MAPT: variants seen among roughly 807,000 people sequenced by gnomAD.
MAPT encodes the protein microtubule associated protein tau.
MAPT carries 34 observed loss-of-function variants against 67.9 expected under a neutral mutation model. The ratio of observed to expected loss-of-function variants is 0.50; its 90% CI spans 0.38 to 0.67. MAPT has a LOEUF of 0.67. Among genes scored for constraint, MAPT ranks in the 30% least tolerant of loss-of-function variants. The pLI is 0.00. For missense variants in MAPT, 881 were observed against 1,115.2 expected (o/e 0.79, Z 2.99); for synonymous variants, 456 against 464.5 (o/e 0.98, Z 0.23).
At chr17:45,948,624 C>G (rs1568218746) in intron 1 of MAPT, among the ~76,000 whole-genome samples, 1 of 152,164 alleles carries the variant, frequency 6.6e-6, no homozygotes, top group African/African-American at 2.4e-5. Flanking sequence ...GCCAGGATGT[C>G]TGGGTTTTGA....
intron 8 of MAPT, chr17:45,993,813 C>T: frequency 1.7e-6 from 2 of 1,144,028 alleles, no homozygotes; most frequent in South Asian, 2.6e-5. Flanking sequence ...GACCTTGTTT[C>T]AGAATGGGGC....
chr17:45,969,555 A>C (rs2071429027), intron 2 of MAPT, among the ~76,000 whole-genome samples: 1 of 150,734 alleles, frequency 6.6e-6, no homozygotes, highest in South Asian at 2.1e-4. Context: ...TCATCCATCC[A>C]TCCATTCATC....
intron 9 of MAPT, among the ~76,000 whole-genome samples, chr17:45,997,278 G>A (rs550785494): frequency 3.3e-5 from 5 of 152,264 alleles, no homozygotes; most frequent in South Asian, 2.1e-4. Flanking sequence ...GTCTGGGTGC[G>A]TTAGGGCTGA....
intron 1 of MAPT, among the ~76,000 whole-genome samples, chr17:45,902,691 A>G (rs1306436080): frequency 6.6e-6 from 1 of 152,240 alleles, no homozygotes; most frequent in Non-Finnish European, 1.5e-5. Context: ...TTAAGAGGGT[A>G]AAATCCTCCT....
intron 1 of MAPT, among the ~76,000 whole-genome samples, chr17:45,919,657 C>G (rs534952905): frequency 3.3e-5 from 5 of 152,354 alleles, no homozygotes; most frequent in African/African-American, 1.2e-4. Flanking sequence ...CCTGTAATCC[C>G]GGCACTTTGG....
At chr17:45,976,660 A>G (rs1229916445) in intron 3 of MAPT, 1 of 152,274 alleles carries the variant, frequency 6.6e-6, no homozygotes, top group Non-Finnish European at 1.5e-5. Flanking sequence ...TGGCTCTTGT[A>G]AAACACTCCC....
At chr17:45,899,647 C>A (rs1004859227) in intron 1 of MAPT, among the ~76,000 whole-genome samples, 27 of 152,098 alleles carry the variant, frequency 1.8e-4, no homozygotes, top group African/African-American at 6.3e-4. Flanking sequence ...TAACATTGAC[C>A]CAGTAGAATA....
intron 1 of MAPT, among the ~76,000 whole-genome samples, chr17:45,954,510 C>A (rs1251393618): frequency 1.3e-5 from 2 of 152,160 alleles, no homozygotes; most frequent in African/African-American, 2.4e-5. Flanking sequence ...GTGGTCCTAG[C>A]CACTCGGGAG....
intron 1 of MAPT, among the ~76,000 whole-genome samples, chr17:45,949,643 T>C (rs1247890438): frequency 6.6e-6 from 1 of 152,210 alleles, no homozygotes; most frequent in African/African-American, 2.4e-5. Flanking sequence ...AGATCCTCTC[T>C]GTGAAGCCCC....
rs1359343408 is a variant in MAPT, at chr17:46,025,419, T to G, written c.*1248T>G. The G allele has an allele frequency of 1.3e-5, 2 of 152,810 alleles. No individual in the cohort carries two copies. Among genetic ancestry groups the G allele is most frequent in the Non-Finnish European group, 2.9e-5 (2 of 68,242 alleles). 9.5% of individuals were successfully genotyped at this position (152,810 alleles called of 1,614,324 possible). On this transcript the variant is annotated 3_prime_UTR_variant, in exon 13 of 13. Coordinates refer to ENST00000262410, the MANE Select transcript of MAPT (RefSeq NM_001377265.1). ...GAATTCCCAGCCTCACCACCCCTTC[T>G]CAGTAATGACCCTGGTTGGTTGCAG...
intron 1 of MAPT, among the ~76,000 whole-genome samples, chr17:45,947,092 G>A (rs952566503): frequency 9.2e-5 from 14 of 152,034 alleles, no homozygotes; most frequent in Admixed American, 9.2e-4. Flanking sequence ...TTCATTAGTA[G>A]TAGTTCAATT....
At position 45,897,032 on chromosome 17, in the gene MAPT, G is replaced by C. The variant is rs1373724249; in HGVS notation, c.-18+2346G>C. ...TGGCTTGGCTGCCCGCCCGGGACCA[G>C]GCCGACCCTCCTTGACGGTGGCGTA... On this transcript the variant is annotated intron_variant, in intron 1 of 12. Transcript: ENST00000262410. This position sits in a 1 kb window ranked among gnomAD's most constrained non-coding sequence, Gnocchi z 5.0. 6.6e-6 allele frequency: 1 copy of C among 152,294 alleles called. No individual in the cohort carries two copies. The highest frequency in any genetic ancestry group is 1.5e-5 in the Non-Finnish European group (1 of 68,090). 9.4% of individuals were successfully genotyped at this position (152,294 alleles called of 1,614,324 possible). A position where few individuals can be genotyped will look rare whatever the true frequency, so the allele number is the denominator to read the frequency against.
chr17:45,925,769 A>G (rs2066224168), intron 1 of MAPT, among the ~76,000 whole-genome samples: 1 of 152,186 alleles, frequency 6.6e-6, no homozygotes, highest in South Asian at 2.1e-4. Context: ...ACAGGAAAAA[A>G]ATGTACAAAC....
At chr17:45,980,261 G>A (rs1185395575) in intron 4 of MAPT, 2 of 152,266 alleles carry the variant, frequency 1.3e-5, no homozygotes, top group Non-Finnish European at 2.9e-5. Flanking sequence ...AGCACTTTGG[G>A]AGGCCAAGGT....
chr17:45,964,318 A>G (rs1185045957), intron 2 of MAPT, among the ~76,000 whole-genome samples: 2 of 150,224 alleles, frequency 1.3e-5, no homozygotes, highest in East Asian at 4.0e-4. Flanking sequence ...TCAACTTGTC[A>G]TTTACATTAG....
intron 11 of MAPT, among the ~76,000 whole-genome samples, chr17:46,017,317 A>G (rs2076244757): frequency 6.6e-6 from 1 of 152,090 alleles, no homozygotes; most frequent in African/African-American, 2.4e-5. Context: ...TTCTGTTCCC[A>G]GGCTGGAGTG....
intron 6 of MAPT, among the ~76,000 whole-genome samples, chr17:45,987,449 G>A (rs1568286492): frequency 6.6e-6 from 1 of 152,180 alleles, no homozygotes; most frequent in African/African-American, 2.4e-5. Context: ...AGTAAATGAA[G>A]CCATCTTCTC....
At chr17:45,981,004 G>T (rs1004249985) in intron 4 of MAPT, among the ~76,000 whole-genome samples, 1 of 152,192 alleles carries the variant, frequency 6.6e-6, no homozygotes, top group African/African-American at 2.4e-5. Flanking sequence ...CACTGTGGTC[G>T]ATGCCAGGAA....
At chr17:45,943,421 G>A (rs138874955) in intron 1 of MAPT, among the ~76,000 whole-genome samples, 4 of 152,220 alleles carry the variant, frequency 2.6e-5, no homozygotes, top group Non-Finnish European at 5.9e-5. Flanking sequence ...ACGGTGCTGA[G>A]CTCAGGTCGT....
Sources: gnomAD v4.1 joint callset for allele counts (sites outside exome capture counted in the v4.1 genomes callset) on GRCh38, gnomAD v4.1.1 for gene constraint, Gnocchi (gnomAD v3.1) non-coding constraint, MANE v1.5 for transcripts, NCBI Gene and HGNC (gene_info 2026-07-23, HGNC 2026-07-21) for gene names.